Variants in NRG1 observed in about 807,000 individuals in gnomAD.
NRG1 encodes the protein neuregulin 1.
Under a neutral mutation model 63.8 loss-of-function variants are expected in NRG1, and 18 were observed. That is an observed-to-expected ratio of 0.28 (90% CI 0.19 to 0.42). The LOEUF (loss-of-function observed/expected upper bound fraction) is 0.42, where lower values mean the gene tolerates loss of function less well. Ranked by LOEUF, NRG1 falls within the 10% of genes least tolerant of loss-of-function variation. The pLI is 1.00. For missense variants in NRG1, 762 were observed against 814.7 expected (o/e 0.94, Z 0.79); for synonymous variants, 302 against 301.3 (o/e 1.00, Z -0.02).
intron 1 of NRG1, among the ~76,000 whole-genome samples, chr8:32,029,867 T>A (rs1313254157): frequency 2.0e-5 from 3 of 152,136 alleles, no homozygotes; most frequent in Non-Finnish European, 4.4e-5. Flanking sequence ...AGCCACAAAT[T>A]TTAAAATTCT....
chr8:32,203,333 A>G (rs1285150501), intron 1 of NRG1, among the ~76,000 whole-genome samples: 1 of 151,746 alleles, frequency 6.6e-6, no homozygotes, highest in Non-Finnish European at 1.5e-5. Context: ...AAATTTCTAT[A>G]TAAGTTGCAA....
At chr8:32,236,642 C>T (rs557604946) in intron 1 of NRG1, among the ~76,000 whole-genome samples, 4 of 152,220 alleles carry the variant, frequency 2.6e-5, no homozygotes, top group East Asian at 1.9e-4. Context: ...TCAGCTTACT[C>T]GTTGCTCAAA....
chr8:32,348,603 T>C (rs1268089722), intron 1 of NRG1, among the ~76,000 whole-genome samples: 1 of 152,216 alleles, frequency 6.6e-6, no homozygotes, highest in East Asian at 1.9e-4. Flanking sequence ...TATAGCCACT[T>C]ACTTACTCAA....
At chr8:31,801,923 A>G (rs1207967312) in intron 1 of NRG1, among the ~76,000 whole-genome samples, 2 of 152,180 alleles carry the variant, frequency 1.3e-5, no homozygotes, top group African/African-American at 4.8e-5. Context: ...GAGTCTACAA[A>G]CTCTGCTTTC....
intron 1 of NRG1, among the ~76,000 whole-genome samples, chr8:32,381,925 G>C (rs1810408558): frequency 6.6e-6 from 1 of 152,118 alleles, no homozygotes; most frequent in Admixed American, 6.6e-5. Context: ...ACAAAATATA[G>C]ACATCTAAAA....
chr8:32,575,515 A>G (rs1563684162), intron 1 of NRG1, among the ~76,000 whole-genome samples: 2 of 152,098 alleles, frequency 1.3e-5, no homozygotes, highest in African/African-American at 4.8e-5. Flanking sequence ...GAAAAGTTGT[A>G]TTTTAGGACT....
At chr8:31,857,050 T>A (rs1463469710) in intron 1 of NRG1, among the ~76,000 whole-genome samples, 4 of 152,192 alleles carry the variant, frequency 2.6e-5, no homozygotes, top group Non-Finnish European at 5.9e-5. Flanking sequence ...TCTGCAGAGG[T>A]AACTGCTGTC....
intron 1 of NRG1, among the ~76,000 whole-genome samples, chr8:31,856,857 T>C (rs1827932319): frequency 6.6e-6 from 1 of 152,208 alleles, no homozygotes; most frequent in Non-Finnish European, 1.5e-5. Flanking sequence ...TGCACTTCTG[T>C]TGGAGTACCC....
At chr8:31,785,662 A>G (rs1047528612) in intron 1 of NRG1, among the ~76,000 whole-genome samples, 6 of 152,208 alleles carry the variant, frequency 3.9e-5, no homozygotes, top group African/African-American at 1.2e-4. Context: ...TCATTCAGAC[A>G]CTTAAATTGA....
intron 1 of NRG1, among the ~76,000 whole-genome samples, chr8:31,834,533 C>G (rs1008364232): frequency 2.0e-5 from 3 of 152,110 alleles, no homozygotes; most frequent in Non-Finnish European, 4.4e-5. Flanking sequence ...AACACAAGAC[C>G]TTGTCTCTAC....
chr8:32,115,419 A>C (rs901473272), intron 1 of NRG1, among the ~76,000 whole-genome samples: 1 of 152,178 alleles, frequency 6.6e-6, no homozygotes, highest in Non-Finnish European at 1.5e-5. Context: ...TATTATTACA[A>C]TAAAGTTGGA....
At chr8:32,087,808 T>C (rs1475711841) in intron 1 of NRG1, among the ~76,000 whole-genome samples, 1 of 152,198 alleles carries the variant, frequency 6.6e-6, no homozygotes, top group Non-Finnish European at 1.5e-5. Flanking sequence ...AACACACTTA[T>C]GTAAGTGAAA....
intron 1 of NRG1, among the ~76,000 whole-genome samples, chr8:31,791,374 C>T (rs1162053522): frequency 6.6e-6 from 1 of 152,082 alleles, no homozygotes; most frequent in African/African-American, 2.4e-5. Flanking sequence ...AAATAATTAT[C>T]ACTATCAGTA....
intron 6 of NRG1, among the ~76,000 whole-genome samples, chr8:32,729,776 G>A (rs751856329): frequency 2.4e-4 from 37 of 152,218 alleles, no homozygotes; most frequent in South Asian, 8.3e-4. Context: ...AAAAAGCAAC[G>A]ATCGAAAATG....
intron 1 of NRG1, among the ~76,000 whole-genome samples, chr8:32,252,639 G>A (rs1215727315): frequency 4.6e-5 from 7 of 152,132 alleles, no homozygotes. Context: ...GTTGCCTCCA[G>A]CTTTGTTCTT....
chr8:32,499,001 A>G (rs1310825710), intron 1 of NRG1, among the ~76,000 whole-genome samples: 2 of 152,204 alleles, frequency 1.3e-5, no homozygotes, highest in Non-Finnish European at 2.9e-5. Flanking sequence ...TGCATACCTC[A>G]AAAGCTGAGT....
At chr8:32,198,857 C>T (rs994098052) in intron 1 of NRG1, among the ~76,000 whole-genome samples, 2 of 151,478 alleles carry the variant, frequency 1.3e-5, no homozygotes, top group Admixed American at 6.6e-5. Context: ...TTATTTACTA[C>T]GTTTCTGAAA....
chr8:32,407,290 TA>T (rs1304360025), intron 1 of NRG1, among the ~76,000 whole-genome samples: 1 of 3,638 alleles, frequency 2.7e-4, no homozygotes, highest in African/African-American at 4.7e-4. Flanking sequence ...TATATATATA[TA>T]TATTATATAT....
At chr8:32,408,387 A>T (rs1026768612) in intron 1 of NRG1, among the ~76,000 whole-genome samples, 1 of 152,124 alleles carries the variant, frequency 6.6e-6, no homozygotes, top group Admixed American at 6.5e-5. Flanking sequence ...GAACAGTTTG[A>T]ACTGTGAGAC....
Sources: allele counts gnomAD v4.1 joint callset (sites outside exome capture counted in the v4.1 genomes callset), GRCh38; gene constraint gnomAD v4.1.1; transcripts MANE v1.5; gene names NCBI Gene and HGNC (gene_info 2026-07-23, HGNC 2026-07-21).